The following MRAP variants were observed in gnomAD, a reference collection of about 807,000 sequenced individuals.
The protein encoded by MRAP is melanocortin-2 receptor accessory protein.
A neutral mutation model predicts 8.7 loss-of-function variants in MRAP; 8 were observed. That is an observed-to-expected ratio of 0.92 (90% CI 0.54 to 1.66). The LOEUF (loss-of-function observed/expected upper bound fraction) is 1.66. Ranked by LOEUF, MRAP falls within the 40% of genes most tolerant of loss-of-function variation. MRAP has a pLI of 0.00. For synonymous variants in MRAP, 95 were observed against 95.5 expected, an observed-to-expected ratio of 1.00 and a Z score of 0.03; for missense variants, 237 against 217.1, an observed-to-expected ratio of 1.09 and a Z score of -0.58.
At chr21:32,309,480 C>G (rs1213739666) in intron 2 of MRAP, among the ~76,000 whole-genome samples, 1 of 150,836 alleles carries the variant, frequency 6.6e-6, no homozygotes, top group Non-Finnish European at 1.5e-5. Context: ...AGACAAGAAT[C>G]TCGCTGTGTC....
intron 1 of MRAP, among the ~76,000 whole-genome samples, chr21:32,300,932 G>A (rs901184775): frequency 2.6e-5 from 4 of 151,742 alleles, no homozygotes; most frequent in South Asian, 2.1e-4. Context: ...ATGATATATC[G>A]TGTATGTCAT....
chr21:32,306,756 G>C lies in MRAP; in HGVS notation c.206+17G>C. ...GCAGATGAGGTGGGTAAGAAGGGGT[G>C]TGAGTCTGTGGGTCACTCAGACGCT... On this transcript the variant is annotated intron_variant, in intron 2 of 2. Transcript: ENST00000303645. The C allele has an allele frequency of 1.2e-6, 2 of 1,601,114 alleles. No individual in the cohort carries two copies. The highest frequency in any genetic ancestry group is 4.5e-5 in the East Asian group (2 of 44,808).
chr21:32,294,986 A>G (rs531092321), upstream of MRAP, among the ~76,000 whole-genome samples: 1 of 152,034 alleles, frequency 6.6e-6, no homozygotes, highest in Non-Finnish European at 1.5e-5. Context: ...AGCATTAATT[A>G]CACTTAAAAA....
At chr21:32,310,643 C>CT (rs1013091938) in intron 2 of MRAP, among the ~76,000 whole-genome samples, 52 of 147,960 alleles carry the variant, frequency 3.5e-4, no homozygotes, top group African/African-American at 9.5e-4. Context: ...GGACACATTT[C>CT]TTTTTTTTTT....
In MRAP at chr21:32,312,124, G is replaced by C. The variant is rs1181536475; in HGVS notation, c.*128G>C. ...AGGGCACCTAGGTCAAGTGCAACTA[G>C]AGCAGGAGCATCCTATGCCTTTGAC... On this transcript the variant is annotated 3_prime_UTR_variant, in exon 3 of 3. Coordinates refer to ENST00000303645, the MANE Select transcript of MRAP (RefSeq NM_001379228.1). The C allele has an allele frequency of 2.6e-6, 4 of 1,551,880 alleles. No individual in the cohort carries two copies. Among genetic ancestry groups the C allele is most frequent in the Non-Finnish European group, 3.5e-6 (4 of 1,155,304 alleles).
chr21:32,298,960 A>G lies in MRAP; in HGVS notation c.-12A>G, dbSNP rs750434591. ...CTGCCGGCCCGGACGCTGACTGCCCAGTGCCACAGACATGGCCAACGGGAC... is the reference window on the plus strand; with the variant it reads ...CTGCCGGCCCGGACGCTGACTGCCCGGTGCCACAGACATGGCCAACGGGAC... On this transcript the variant is annotated 5_prime_UTR_variant, in exon 1 of 3. Transcript: ENST00000303645. 5.9e-5 allele frequency: 95 copies of G among 1,606,396 alleles called. No individual in the cohort carries two copies. The highest frequency in any genetic ancestry group is 1.7e-4 in the Middle Eastern group (1 of 6,058).
intron 1 of MRAP, 91 bp downstream of exon 1, chr21:32,299,168 T>C (rs2254251): frequency 0.1 from 94,781 of 910,060 alleles, 5,542 homozygotes; most frequent in Middle Eastern, 0.17. Flanking sequence ...CATTCACTTA[T>C]TAACTCCGGT....
At chr21:32,295,672 G>A (rs1208216200), upstream of MRAP, among the ~76,000 whole-genome samples, 1 of 152,076 alleles carries the variant, frequency 6.6e-6, no homozygotes, top group Non-Finnish European at 1.5e-5. Context: ...AAGTCCCAGA[G>A]TAGGTGTCTT....
chr21:32,292,478 A>G (rs945470270), intron 1 of MRAP, among the ~76,000 whole-genome samples: 1 of 152,006 alleles, frequency 6.6e-6, no homozygotes, highest in African/African-American at 2.4e-5. Flanking sequence ...TTCCTTTGAG[A>G]TGGAGTCTTG....
chr21:32,300,467 A>G (rs1469675127), intron 1 of MRAP, among the ~76,000 whole-genome samples: 1 of 148,540 alleles, frequency 6.7e-6, no homozygotes. Context: ...CACACGTCTT[A>G]TGTCAGGGGC....
chr21:32,300,730 C>T (rs910109657), intron 1 of MRAP, among the ~76,000 whole-genome samples: 17 of 141,866 alleles, frequency 1.2e-4, no homozygotes, highest in East Asian at 6.4e-4. Context: ...GGGCGTCATT[C>T]GTCCTATGTC....
chr21:32,295,112 A>G (rs1726156415), upstream of MRAP, among the ~76,000 whole-genome samples: 1 of 151,882 alleles, frequency 6.6e-6, no homozygotes, highest in Non-Finnish European at 1.5e-5. Context: ...AGCAACCTCA[A>G]TTCTTGCCTC....
At chr21:32,300,727 ATT>A (rs879851882) in intron 1 of MRAP, among the ~76,000 whole-genome samples, 54 of 31,140 alleles carry the variant, frequency 1.7e-3, no homozygotes, top group Non-Finnish European at 1.8e-3. Flanking sequence ...TCGGGGCGTC[ATT>A]CGTCCTATGT....
At chr21:32,300,590 A>G (rs965557192) in intron 1 of MRAP, among the ~76,000 whole-genome samples, 3 of 142,100 alleles carry the variant, frequency 2.1e-5, no homozygotes, top group African/African-American at 8.0e-5. Flanking sequence ...CAGGGGCGTC[A>G]CACGTCCTAT....
intron 1 of MRAP, among the ~76,000 whole-genome samples, chr21:32,303,949 C>A (rs1043683725): frequency 9.2e-5 from 14 of 152,144 alleles, no homozygotes; most frequent in Non-Finnish European, 1.6e-4. Flanking sequence ...GAAGACACTG[C>A]GTTCTGTGAA....
At chr21:32,300,061 C>T (rs2032223749) in intron 1 of MRAP, among the ~76,000 whole-genome samples, 5 of 152,192 alleles carry the variant, frequency 3.3e-5, no homozygotes, top group Admixed American at 2.6e-4. Flanking sequence ...GAAGTCTTAG[C>T]TTCCTTGGGT....
downstream of MRAP, chr21:32,313,542 C>G (rs985685186): frequency 2.0e-5 from 3 of 152,184 alleles, no homozygotes; most frequent in Admixed American, 2.0e-4. Context: ...CAGTGCAAGA[C>G]AATTATTTGT....
rs756574001 is a variant in MRAP, at chr21:32,311,686, A to G, written c.209A>G (p.Asn70Ser). 1.1e-5 allele frequency: 17 copies of G among 1,613,794 alleles called. No homozygotes were observed. The highest frequency in any genetic ancestry group is 1.4e-5 in the Non-Finnish European group (16 of 1,179,950). Residue 70 changes from asparagine to serine, a missense_variant and splice_region_variant, in exon 3 of 3, where the codon AAC becomes AGC. Coordinates refer to ENST00000303645, the MANE Select transcript of MRAP (RefSeq NM_001379228.1). ...CTCCCACTCTGCTCTGTTCACAGGA[A>G]CAGCCCCAAGCACCACCAAACATGC... ...MSWSASPQMRNSPKHHQTCPW... is the reference protein window; with the variant it reads ...MSWSASPQMRSSPKHHQTCPW...
chr21:32,300,137 C>T (rs903435407), intron 1 of MRAP, among the ~76,000 whole-genome samples: 1 of 152,186 alleles, frequency 6.6e-6, no homozygotes, highest in Non-Finnish European at 1.5e-5. Flanking sequence ...CAATTGCTCA[C>T]GCCTGTAATC....
Sources: gnomAD v4.1 joint callset for allele counts (sites outside exome capture counted in the v4.1 genomes callset) on GRCh38, gnomAD v4.1.1 for gene constraint, MANE v1.5 for transcripts, NCBI Gene and HGNC (gene_info 2026-07-23, HGNC 2026-07-21) for gene names.